Variants in HELLS observed in about 807,000 individuals in gnomAD.
The protein encoded by HELLS is helicase, lymphoid specific, also known as lymphoid-specific helicase.
HELLS carries 32 observed loss-of-function variants against 120.0 expected under a neutral mutation model. That is an observed-to-expected ratio of 0.27 (90% CI 0.20 to 0.36). The LOEUF (loss-of-function observed/expected upper bound fraction) is 0.36, where lower values mean the gene tolerates loss of function less well. HELLS is among the 10% of genes least tolerant of loss of function. The probability of loss-of-function intolerance (pLI) is 1.00; values close to 1 mark genes in which losing one functional copy is unlikely to be tolerated. For synonymous variants in HELLS, 341 were observed against 323.4 expected (o/e 1.05, Z -0.58); for missense variants, 650 against 993.4 (o/e 0.65, Z 4.65).
chr10:94,570,426 A>G (rs1380439296), intron 6 of HELLS: 1 of 152,190 alleles, frequency 6.6e-6, no homozygotes, highest in African/African-American at 2.4e-5. Flanking sequence ...CTATACATAC[A>G]TAATACTTCA....
intron 21 of HELLS, among the ~76,000 whole-genome samples, chr10:94,600,621 A>T (rs192114113): frequency 1.1e-4 from 16 of 152,304 alleles, no homozygotes; most frequent in Non-Finnish European, 1.6e-4. Flanking sequence ...AGTAATTAAT[A>T]GGGGAAAAAT....
intron 2 of HELLS, among the ~76,000 whole-genome samples, chr10:94,551,172 G>T (rs117558556): frequency 1.3e-5 from 2 of 152,268 alleles, no homozygotes; most frequent in Non-Finnish European, 2.9e-5. Flanking sequence ...GGGATTATGG[G>T]TGATTTATAT....
At chr10:94,569,640 G>A (rs1844031052) in intron 6 of HELLS, 1 of 152,164 alleles carries the variant, frequency 6.6e-6, no homozygotes, top group African/African-American at 2.4e-5. Context: ...CTATTCCTGA[G>A]TATTGTCATA....
At chr10:94,593,122 A>T (rs1845572776) in intron 17 of HELLS, among the ~76,000 whole-genome samples, 3 of 152,208 alleles carry the variant, frequency 2.0e-5, no homozygotes, top group Non-Finnish European at 4.4e-5. Flanking sequence ...TTTATACCTA[A>T]CCCCTATTAA....
At chr10:94,571,485 CTAG>C in intron 7 of HELLS, 56 bp downstream of exon 7, 1 of 1,362,888 alleles carries the variant, frequency 7.3e-7, no homozygotes, top group South Asian at 1.3e-5. Context: ...TCCTCAGTTA[CTAG>C]TCCTTTTTCT....
intron 6 of HELLS, among the ~76,000 whole-genome samples, chr10:94,565,064 C>A (rs1057144920): frequency 6.6e-6 from 1 of 152,200 alleles, no homozygotes; most frequent in Non-Finnish European, 1.5e-5. Context: ...GGGCCGGGAG[C>A]AGTGGCTCAC....
intron 6 of HELLS, among the ~76,000 whole-genome samples, chr10:94,567,927 T>TTTC (rs1843912770): frequency 7.4e-6 from 1 of 135,204 alleles, no homozygotes. Flanking sequence ...TTTTTTTTTT[T>TTTC]GGAGAGAGAG....
At chr10:94,567,460 G>T (rs911987464) in intron 6 of HELLS, among the ~76,000 whole-genome samples, 2 of 152,060 alleles carry the variant, frequency 1.3e-5, no homozygotes, top group Admixed American at 6.6e-5. Context: ...CACCACGCCT[G>T]GCAAATTTTG....
chr10:94,574,038 A>G lies in HELLS; in HGVS notation c.556A>G (p.Arg186Gly). The change falls in exon 8 of 22, where the codon AGA becomes GGA. Residue 186 changes from arginine (R) to glycine (G), a missense_variant. Physicochemically the swap from Arg to Gly is moderately radical, Grantham distance 125. Around this residue, in one of 9 missense-constraint regions of HELLS, gnomAD observed 113 missense variants for 120.7 expected, o/e 0.94. Transcript: ENST00000348459. Reference protein sequence around the residue: ...NKDSNSIIKDRLSETVRQNTK... With the variant: ...NKDSNSIIKDGLSETVRQNTK... ...AGATTCGAATAGTATAATTAAAGAT[A>G]GATTGTCTGAAACGGTTAGGCAGAA... 1 of 1,611,098 alleles carries G rather than the reference A, an allele frequency of 6.2e-7. No individual in the cohort carries two copies. Among genetic ancestry groups the G allele is most frequent in the Non-Finnish European group, 8.5e-7 (1 of 1,177,222 alleles).
intron 12 of HELLS, among the ~76,000 whole-genome samples, chr10:94,585,049 A>G (rs1269623441): frequency 6.6e-6 from 1 of 152,072 alleles, no homozygotes; most frequent in Non-Finnish European, 1.5e-5. Context: ...TTTCTATATG[A>G]AAGAATTCCT....
chr10:94,586,363 C>T lies in HELLS; in HGVS notation c.1327-1866C>T, dbSNP rs187592057. ...GTCTCGATCTCCTGACCTCGTGATC[C>T]GCCTGCCTTGGCCTCCCAAAGTGCT... On this transcript the variant is annotated intron_variant, in intron 12 of 21. Coordinates refer to ENST00000348459, the MANE Select transcript of HELLS (RefSeq NM_018063.5). 1.6e-3 allele frequency among the ~76,000 whole-genome samples: 240 copies of T among 152,198 alleles called. 1 individual carries two copies. The highest frequency in any genetic ancestry group is 2.8e-3 in the Non-Finnish European group (188 of 68,016).
intron 2 of HELLS, among the ~76,000 whole-genome samples, chr10:94,548,229 A>G (rs1044709218): frequency 6.6e-6 from 1 of 152,220 alleles, no homozygotes; most frequent in African/African-American, 2.4e-5. Context: ...ATGGTATTTT[A>G]TAATATACAA....
intron 2 of HELLS, 96 bp downstream of exon 2, chr10:94,546,594 G>A (rs1842764621): frequency 7.3e-7 from 1 of 1,369,332 alleles, no homozygotes; most frequent in African/African-American, 1.4e-5. Flanking sequence ...CCTATTTAGT[G>A]GGCTTTTTAA....
intron 12 of HELLS, among the ~76,000 whole-genome samples, chr10:94,584,549 C>T (rs553268671): frequency 6.6e-6 from 1 of 152,078 alleles, no homozygotes; most frequent in South Asian, 2.1e-4. Flanking sequence ...TGTATACATC[C>T]ATATAGTGTA....
At chr10:94,571,250 C>A in intron 6 of HELLS, 138 bp from the exon 7 acceptor site, 2 of 655,086 alleles carry the variant, frequency 3.1e-6, no homozygotes, top group Non-Finnish European at 5.0e-6. Context: ...CTTATTTCTG[C>A]CTGAAGGCTA....
chr10:94,552,534 C>A (rs1589699816), intron 2 of HELLS, among the ~76,000 whole-genome samples: 1 of 152,190 alleles, frequency 6.6e-6, no homozygotes, highest in Non-Finnish European at 1.5e-5. Flanking sequence ...ATGTATATGT[C>A]TTTAATACTT....
intron 10 of HELLS, among the ~76,000 whole-genome samples, chr10:94,580,284 G>A (rs1332900703): frequency 2.0e-5 from 3 of 148,474 alleles, no homozygotes; most frequent in Admixed American, 6.8e-5. Flanking sequence ...CCGGGCTCAA[G>A]CAATTCTCCT....
At chr10:94,580,177 ACACACACAT>A (rs1844789731) in intron 10 of HELLS, among the ~76,000 whole-genome samples, 1 of 116,984 alleles carries the variant, frequency 8.5e-6, no homozygotes, top group Non-Finnish European at 1.7e-5. Context: ...ACACACACAC[ACACACACAT>A]TTTTTTTTTT....
chr10:94,584,098 T>C (rs746621187), intron 12 of HELLS: 102 of 1,394,682 alleles, frequency 7.3e-5, no homozygotes, highest in Non-Finnish European at 9.3e-5. Context: ...AAAATACTTA[T>C]TTACTCAAGC....
Sources: gnomAD v4.1 joint callset for allele counts (sites outside exome capture counted in the v4.1 genomes callset) on GRCh38, gnomAD v4.1.1 for gene constraint, gnomAD v4.1.1 regional missense constraint, MANE v1.5 for transcripts, NCBI Gene and HGNC (gene_info 2026-07-23, HGNC 2026-07-21) for gene names.